Variants in TENM3 observed in about 807,000 individuals in gnomAD.
The protein encoded by TENM3 is teneurin-3.
TENM3 carries 63 observed loss-of-function variants against 255.1 expected under a neutral mutation model. The ratio of observed to expected loss-of-function variants is 0.25; its 90% CI spans 0.20 to 0.30. The LOEUF (loss-of-function observed/expected upper bound fraction) is 0.30. Ranked by LOEUF, TENM3 falls within the 10% of genes least tolerant of loss-of-function variation. The pLI, the probability that TENM3 is intolerant of heterozygous loss-of-function variation, is 1.00. For missense variants in TENM3, 2,929 were observed against 3,461.1 expected (o/e 0.85, Z 3.86); for synonymous variants, 1,306 against 1,322.3 (o/e 0.99, Z 0.27).
the TENM3 span, among the ~76,000 whole-genome samples, chr4:181,450,891 G>T: frequency 6.6e-6 from 1 of 152,158 alleles, no homozygotes; most frequent in Non-Finnish European, 1.5e-5. Flanking sequence ...AAACACTTAA[G>T]AAAAGTAATT....
the TENM3 span, among the ~76,000 whole-genome samples, chr4:181,493,556 C>T: frequency 2.6e-5 from 4 of 151,842 alleles, no homozygotes; most frequent in East Asian, 2.0e-4. Context: ...GGTGAAACCC[C>T]GTCTCTAGTA....
chr4:182,319,383 A>G (rs1251527326), intron 1 of TENM3, among the ~76,000 whole-genome samples: 1 of 152,240 alleles, frequency 6.6e-6, no homozygotes, highest in Non-Finnish European at 1.5e-5. Context: ...TCAATGAAGC[A>G]TATCAGTAGT....
At chr4:181,893,214 C>T in the TENM3 span, among the ~76,000 whole-genome samples, 53 of 152,094 alleles carry the variant, frequency 3.5e-4, no homozygotes, top group South Asian at 6.9e-3. Flanking sequence ...ATTTAAATGA[C>T]AAAAACGGTG....
At chr4:181,989,171 G>A in the TENM3 span, among the ~76,000 whole-genome samples, 1 of 152,010 alleles carries the variant, frequency 6.6e-6, no homozygotes, top group African/African-American at 2.4e-5. Context: ...GTAGACCAGG[G>A]GAACAGAAGG....
At chr4:182,335,354 GC>G (rs1203132192) in intron 2 of TENM3, among the ~76,000 whole-genome samples, 1 of 142,914 alleles carries the variant, frequency 7.0e-6, no homozygotes, top group Non-Finnish European at 1.5e-5. Context: ...AATTAGCCGG[GC>G]GCGGTGGCAG....
At chr4:181,548,772 C>T in the TENM3 span, among the ~76,000 whole-genome samples, 26 of 152,242 alleles carry the variant, frequency 1.7e-4, no homozygotes, top group East Asian at 3.7e-3. Context: ...AAAGTAGAGA[C>T]GCCATTGGAG....
At chr4:182,696,446 G>A (rs1353354984) in intron 12 of TENM3, among the ~76,000 whole-genome samples, 2 of 152,170 alleles carry the variant, frequency 1.3e-5, no homozygotes, top group Non-Finnish European at 2.9e-5. Context: ...TGGATATGGG[G>A]CCGGGCACAG....
chr4:182,328,494 G>C (rs892059479), intron 2 of TENM3, among the ~76,000 whole-genome samples: 11 of 152,126 alleles, frequency 7.2e-5, no homozygotes, highest in Non-Finnish European at 2.9e-5. Flanking sequence ...AGGATTACAG[G>C]CGTGAGCCAC....
At chr4:181,959,189 C>A in the TENM3 span, among the ~76,000 whole-genome samples, 10 of 152,280 alleles carry the variant, frequency 6.6e-5, no homozygotes, top group Admixed American at 6.5e-4. Context: ...CTCTAGGAAG[C>A]CTTTCTTCAA....
At chr4:182,428,305 A>G (rs1771381647) in intron 3 of TENM3, among the ~76,000 whole-genome samples, 1 of 152,156 alleles carries the variant, frequency 6.6e-6, no homozygotes, top group Admixed American at 6.5e-5. Flanking sequence ...ATGAATGTCA[A>G]TCAAGACATG....
At chr4:182,493,882 A>G (rs1046273813) in intron 3 of TENM3, among the ~76,000 whole-genome samples, 1 of 152,186 alleles carries the variant, frequency 6.6e-6, no homozygotes, top group Non-Finnish European at 1.5e-5. Flanking sequence ...CTAGAACTGT[A>G]AAAATAATAT....
the TENM3 span, among the ~76,000 whole-genome samples, chr4:181,767,310 A>T: frequency 1.3e-5 from 2 of 151,748 alleles, no homozygotes; most frequent in East Asian, 3.9e-4. Flanking sequence ...ATTCAAATAA[A>T]TTCAAGAAGT....
chr4:182,575,799 C>G (rs1018277987), intron 3 of TENM3, among the ~76,000 whole-genome samples: 2 of 152,080 alleles, frequency 1.3e-5, no homozygotes, highest in Non-Finnish European at 2.9e-5. Flanking sequence ...AGATATAATA[C>G]TGTATTAAAG....
chr4:182,128,809 A>T, the TENM3 span, among the ~76,000 whole-genome samples: 1 of 152,208 alleles, frequency 6.6e-6, no homozygotes, highest in Non-Finnish European at 1.5e-5. Flanking sequence ...AAACCCTGAA[A>T]CAACTCAAAA....
chr4:181,756,085 T>C, the TENM3 span, among the ~76,000 whole-genome samples: 4 of 152,114 alleles, frequency 2.6e-5, no homozygotes, highest in African/African-American at 4.8e-5. Context: ...AGAAGTGGGC[T>C]CTCCTAATTT....
chr4:182,298,755 C>G (rs1761651222), intron 1 of TENM3, among the ~76,000 whole-genome samples: 1 of 151,802 alleles, frequency 6.6e-6, no homozygotes, highest in Non-Finnish European at 1.5e-5. Context: ...GGTGGATCAC[C>G]TGAGGTCTGG....
chr4:182,212,294 G>A (rs1052077972), intron 1 of TENM3, among the ~76,000 whole-genome samples: 3 of 152,198 alleles, frequency 2.0e-5, no homozygotes, highest in Admixed American at 6.5e-5. Flanking sequence ...TGGCTCCCAC[G>A]CTGTTTCCAG....
intron 1 of TENM3, among the ~76,000 whole-genome samples, chr4:182,207,901 C>T (rs1754694688): frequency 6.6e-6 from 1 of 152,154 alleles, no homozygotes; most frequent in Non-Finnish European, 1.5e-5. Flanking sequence ...AATACCTTTC[C>T]AGCAGTTTAA....
the TENM3 span, among the ~76,000 whole-genome samples, chr4:181,899,512 T>G: frequency 6.6e-6 from 1 of 152,094 alleles, no homozygotes; most frequent in South Asian, 2.1e-4. Flanking sequence ...TGTGGGTTTT[T>G]TCTTTTATTT....
Sources: gnomAD v4.1 joint callset for allele counts (sites outside exome capture counted in the v4.1 genomes callset) on GRCh38, gnomAD v4.1.1 for gene constraint, MANE v1.5 for transcripts, NCBI Gene and HGNC (gene_info 2026-07-23, HGNC 2026-07-21) for gene names.